Variants in SLC24A2 observed in about 807,000 individuals in gnomAD.
SLC24A2 encodes the protein solute carrier family 24 member 2, also known as sodium/potassium/calcium exchanger 2.
In SLC24A2, 36 loss-of-function variants were observed where a neutral mutation model predicts 62.0. That is an observed-to-expected ratio of 0.58 (90% confidence interval 0.44 to 0.77). The LOEUF (loss-of-function observed/expected upper bound fraction) is 0.77. Ranked by LOEUF, SLC24A2 falls within the 30% of genes least tolerant of loss-of-function variation. The pLI is 0.00. For missense variants in SLC24A2, 846 were observed against 817.9 expected, an observed-to-expected ratio of 1.03 and a Z score of -0.42; for synonymous variants, 358 against 294.0, an observed-to-expected ratio of 1.22 and a Z score of -2.23.
At chr9:19,941,551 C>T in the SLC24A2 span, among the ~76,000 whole-genome samples, 2 of 85,784 alleles carry the variant, frequency 2.3e-5, no homozygotes, top group Non-Finnish European at 5.5e-5. Flanking sequence ...TTGTAGAGGA[C>T]TGGGAGTGTG....
At chr9:19,726,682 A>G (rs985620679) in intron 2 of SLC24A2, among the ~76,000 whole-genome samples, 4 of 152,110 alleles carry the variant, frequency 2.6e-5, no homozygotes, top group African/African-American at 4.8e-5. Context: ...CATGCATATG[A>G]CTCACTTAAA....
chr9:20,097,191 A>C, the SLC24A2 span, among the ~76,000 whole-genome samples: 1 of 152,272 alleles, frequency 6.6e-6, no homozygotes, highest in South Asian at 2.1e-4. Flanking sequence ...CCTCTTGCCC[A>C]GTTCATTTTG....
chr9:19,757,741 T>A (rs1368875514), intron 2 of SLC24A2, among the ~76,000 whole-genome samples: 1 of 152,170 alleles, frequency 6.6e-6, no homozygotes, highest in African/African-American at 2.4e-5. Flanking sequence ...CTTCAGTGTG[T>A]GCTGAGGATG....
chr9:20,226,266 C>CA, the SLC24A2 span, among the ~76,000 whole-genome samples: 3 of 152,102 alleles, frequency 2.0e-5, no homozygotes, highest in Non-Finnish European at 4.4e-5. Context: ...CAAAAGCATC[C>CA]AAAAACCATG....
the SLC24A2 span, among the ~76,000 whole-genome samples, chr9:20,046,914 G>A: frequency 6.6e-6 from 1 of 152,116 alleles, no homozygotes; most frequent in African/African-American, 2.4e-5. Context: ...TAAGACCCAG[G>A]ATTCTTTTTT....
intron 8 of SLC24A2, among the ~76,000 whole-genome samples, chr9:19,544,754 C>A (rs1834463776): frequency 6.6e-6 from 1 of 152,118 alleles, no homozygotes; most frequent in Non-Finnish European, 1.5e-5. Context: ...AATATTGGCC[C>A]CCACTCTCTT....
chr9:20,277,104 T>C, the SLC24A2 span, among the ~76,000 whole-genome samples: 1 of 152,160 alleles, frequency 6.6e-6, no homozygotes, highest in Non-Finnish European at 1.5e-5. Context: ...GAATTTCTCC[T>C]CAGAAAATGG....
chr9:20,250,816 C>G, the SLC24A2 span, among the ~76,000 whole-genome samples: 2 of 152,208 alleles, frequency 1.3e-5, no homozygotes, highest in African/African-American at 2.4e-5. Context: ...AACAGAATGA[C>G]TATATGGGTC....
rs180766308 is a variant in SLC24A2 at position 19,725,064 on chromosome 9, T to C, written c.930+60873A>G. Among the ~76,000 whole-genome samples the C allele has an allele frequency of 4.6e-5, 7 of 152,302 alleles. No homozygotes were observed. In the East Asian group the frequency reaches 1.2e-3, roughly 25 times the overall value. On this transcript the variant is annotated intron_variant, in intron 2 of 10. Coordinates refer to ENST00000341998, the MANE Select transcript of SLC24A2 (RefSeq NM_020344.4). ...TTATACTGTAGTTATATTTATTCAG[T>C]ACTGTACATGCCAGTGGGGTAATTT... is the stretch of plus-strand genomic sequence containing the variant.
the SLC24A2 span, among the ~76,000 whole-genome samples, chr9:20,092,061 G>C: frequency 6.6e-6 from 1 of 152,280 alleles, no homozygotes; most frequent in African/African-American, 2.4e-5. Flanking sequence ...TGGACACAAA[G>C]AGGGGAACAA....
chr9:19,562,728 A>G lies in SLC24A2; in HGVS notation c.1347+10623T>C, dbSNP rs147235161. Among the ~76,000 whole-genome samples the G allele has an allele frequency of 2.2e-3, 328 of 152,286 alleles. 2 individuals carry two copies. The highest frequency in any genetic ancestry group is 7.5e-3 in the African/African-American group (313 of 41,568). On this transcript the variant is annotated intron_variant, in intron 7 of 10. Coordinates refer to ENST00000341998, the MANE Select transcript of SLC24A2 (RefSeq NM_020344.4). ...AAAATCCCTAATTTTTGCTTGTTTT[A>G]TAATTTGTCTTAGGTTTTCTCTGAC...
At chr9:19,557,957 C>T (rs1429660718) in intron 7 of SLC24A2, among the ~76,000 whole-genome samples, 1 of 151,920 alleles carries the variant, frequency 6.6e-6, no homozygotes, top group African/African-American at 2.4e-5. Context: ...GTAGCTGAGA[C>T]TACACGTATG....
the SLC24A2 span, among the ~76,000 whole-genome samples, chr9:19,804,155 C>T: frequency 6.6e-6 from 1 of 152,036 alleles, no homozygotes; most frequent in African/African-American, 2.4e-5. Context: ...AGTGGATAGC[C>T]TGTGAGAGAG....
chr9:19,758,545 AC>A (rs1325719925), intron 2 of SLC24A2, among the ~76,000 whole-genome samples: 6 of 152,124 alleles, frequency 3.9e-5, no homozygotes, highest in East Asian at 1.9e-4. Context: ...AACAAAAAAA[AC>A]CCCCTAAGAA....
intron 2 of SLC24A2, among the ~76,000 whole-genome samples, chr9:19,784,083 C>T (rs189753150): frequency 6.6e-6 from 1 of 152,148 alleles, no homozygotes; most frequent in Non-Finnish European, 1.5e-5. Flanking sequence ...TAAGGGATGA[C>T]AACCTGAATT....
At chr9:20,088,348 C>T in the SLC24A2 span, among the ~76,000 whole-genome samples, 25 of 152,088 alleles carry the variant, frequency 1.6e-4, no homozygotes, top group South Asian at 6.2e-4. Flanking sequence ...CAGCCTTAGC[C>T]GTTATTGCCT....
intron 4 of SLC24A2, among the ~76,000 whole-genome samples, chr9:19,609,292 C>T (rs1837077471): frequency 6.6e-6 from 1 of 152,226 alleles, no homozygotes; most frequent in South Asian, 2.1e-4. Context: ...TGGTGCCTCA[C>T]CAAGAGCAGT....
intron 2 of SLC24A2, among the ~76,000 whole-genome samples, chr9:19,672,680 A>G (rs2104124): frequency 0.47 from 68,895 of 145,094 alleles, 20,583 homozygotes; most frequent in East Asian, 0.85. Flanking sequence ...AAGGCTGTGA[A>G]TTTTCCTTTT....
intron 2 of SLC24A2, among the ~76,000 whole-genome samples, chr9:19,745,735 T>G (rs1303259037): frequency 6.6e-6 from 1 of 152,136 alleles, no homozygotes; most frequent in Admixed American, 6.6e-5. Context: ...TTATTAAATG[T>G]TTTTTCATAT....
Sources: allele counts gnomAD v4.1 joint callset (sites outside exome capture counted in the v4.1 genomes callset), GRCh38; gene constraint gnomAD v4.1.1; transcripts MANE v1.5; gene names NCBI Gene and HGNC (gene_info 2026-07-23, HGNC 2026-07-21).